Variants in TDRD3 observed in about 807,000 individuals in gnomAD.
TDRD3 encodes tudor domain-containing protein 3.
In TDRD3, 45 loss-of-function variants were observed where a neutral mutation model predicts 86.7. The observed-to-expected ratio is 0.52, with a 90% CI of 0.41 to 0.67. TDRD3 has a LOEUF of 0.67. Ranked by LOEUF, TDRD3 falls within the 30% of genes least tolerant of loss-of-function variation. The pLI, the probability that TDRD3 is intolerant of heterozygous loss-of-function variation, is 0.00. For synonymous variants in TDRD3, 298 were observed against 301.7 expected (o/e 0.99, Z 0.13); for missense variants, 814 against 889.0 (o/e 0.92, Z 1.07).
intron 1 of TDRD3, among the ~76,000 whole-genome samples, chr13:60,415,086 T>A (rs2137843078): frequency 6.6e-6 from 1 of 152,192 alleles, no homozygotes; most frequent in South Asian, 2.1e-4. Flanking sequence ...AGCATACTGA[T>A]TATTTTATAT....
chr13:60,556,668 C>T (rs1415068702), intron 12 of TDRD3, among the ~76,000 whole-genome samples: 1 of 152,048 alleles, frequency 6.6e-6, no homozygotes, highest in African/African-American at 2.4e-5. Flanking sequence ...AGAGTACCTT[C>T]ATGAGAACTA....
chr13:60,414,954 A>C (rs951160281), intron 1 of TDRD3, among the ~76,000 whole-genome samples: 21 of 152,078 alleles, frequency 1.4e-4, no homozygotes, highest in African/African-American at 5.1e-4. Flanking sequence ...AAAAGGGTGA[A>C]TATGAGGTTG....
intron 1 of TDRD3, among the ~76,000 whole-genome samples, chr13:60,428,117 A>C (rs2137901733): frequency 6.6e-6 from 1 of 151,698 alleles, no homozygotes; most frequent in East Asian, 1.9e-4. Context: ...CTCCAGCTTC[A>C]TATGGCCTTT....
Position 60,454,097 on chromosome 13 carries a change from T to G in TDRD3, c.193-6283T>G, listed in dbSNP as rs1594951674. On this transcript the variant is annotated intron_variant, in intron 3 of 13. Transcript: ENST00000377881. Reference sequence around the variant, plus strand: ...TCTAAATATTTTTCAATTAACCTTATGATTACTTCTTTCCCTATTTTGATT... The same window carrying G: ...TCTAAATATTTTTCAATTAACCTTAGGATTACTTCTTTCCCTATTTTGATT... 3.9e-5 allele frequency among the ~76,000 whole-genome samples: 6 copies of G among 152,246 alleles called. No homozygotes were observed. The South Asian group carries it at 1.2e-3, about 32-fold the overall frequency.
intron 3 of TDRD3, among the ~76,000 whole-genome samples, chr13:60,447,513 T>G (rs1321437276): frequency 6.6e-6 from 1 of 152,180 alleles, no homozygotes; most frequent in Non-Finnish European, 1.5e-5. Flanking sequence ...AGGATGGTAT[T>G]TTTATCTTGA....
chr13:60,500,834 G>A (rs913928881), intron 8 of TDRD3, among the ~76,000 whole-genome samples: 5 of 152,210 alleles, frequency 3.3e-5, no homozygotes, highest in Admixed American at 6.5e-5. Flanking sequence ...ATCAATGGGT[G>A]ACCTCAGCAG....
chr13:60,492,982 G>A (rs1205616426), intron 7 of TDRD3, among the ~76,000 whole-genome samples: 2 of 142,010 alleles, frequency 1.4e-5, no homozygotes, highest in Admixed American at 7.5e-5. Context: ...GCAGTGGCGC[G>A]ATCTCGGCTC....
chr13:60,571,484 AT>A (rs1366408918), intron 13 of TDRD3, among the ~76,000 whole-genome samples: 1 of 152,182 alleles, frequency 6.6e-6, no homozygotes, highest in Non-Finnish European at 1.5e-5. Context: ...AGGTTTTGTT[AT>A]CTGAAATTAT....
chr13:60,510,224 C>G (rs1172876785), intron 9 of TDRD3, among the ~76,000 whole-genome samples: 1 of 152,098 alleles, frequency 6.6e-6, no homozygotes, highest in African/African-American at 2.4e-5. Context: ...ATTTCTAGAA[C>G]TCTGCCACCT....
intron 1 of TDRD3, among the ~76,000 whole-genome samples, chr13:60,429,623 C>T (rs1954902684): frequency 6.6e-6 from 1 of 152,160 alleles, no homozygotes; most frequent in South Asian, 2.1e-4. Context: ...AATTGTAAAA[C>T]TGAATGATTT....
chr13:60,395,699 A>C (rs188114395), upstream of TDRD3, among the ~76,000 whole-genome samples: 6 of 152,366 alleles, frequency 3.9e-5, no homozygotes, highest in East Asian at 1.2e-3. Context: ...AATTGGTAAC[A>C]GAAAATTCTA....
At chr13:60,570,645 A>C (rs1366455409) in intron 13 of TDRD3, among the ~76,000 whole-genome samples, 1 of 152,236 alleles carries the variant, frequency 6.6e-6, no homozygotes, top group Non-Finnish European at 1.5e-5. Context: ...AAAGATTGTC[A>C]ATGCCCTCAT....
chr13:60,524,037 ATATCT>A (rs1176147887), intron 10 of TDRD3, among the ~76,000 whole-genome samples: 1 of 151,944 alleles, frequency 6.6e-6, no homozygotes, highest in African/African-American at 2.4e-5. Flanking sequence ...GTACAGAAAA[ATATCT>A]TAGTATATTT....
chr13:60,532,124 A>G (rs572048220), intron 11 of TDRD3, among the ~76,000 whole-genome samples: 2 of 152,306 alleles, frequency 1.3e-5, no homozygotes, highest in South Asian at 4.1e-4. Flanking sequence ...TGTGGTGAAA[A>G]AATTAAATTA....
Position 60,528,718 on chromosome 13 carries a change from AAAG to A in TDRD3, c.1495_1497del (p.Arg499del). The A allele has an allele frequency of 6.2e-7, 1 of 1,611,706 alleles. No homozygotes were observed. The highest frequency in any genetic ancestry group is 8.5e-7 in the Non-Finnish European group (1 of 1,179,332). ...CAGCATAGTGATGGTGCTTTTAAAA[AAAG>A]AGATAACTCTATGCAAAGCAGATCA... On this transcript the variant is annotated inframe_deletion, in exon 11 of 14. Transcript: ENST00000377881.
intron 7 of TDRD3, among the ~76,000 whole-genome samples, chr13:60,490,773 C>T (rs1005626308): frequency 6.6e-6 from 1 of 151,912 alleles, no homozygotes; most frequent in African/African-American, 2.4e-5. Context: ...TTTGAAGGAG[C>T]CATTAGGGTT....
intron 12 of TDRD3, among the ~76,000 whole-genome samples, chr13:60,551,405 T>C (rs901311381): frequency 4.6e-5 from 7 of 152,184 alleles, no homozygotes; most frequent in Admixed American, 3.9e-4. Flanking sequence ...GCTGGTTCCA[T>C]TTCTCTTGTT....
At chr13:60,516,224 T>G (rs572803351) in intron 10 of TDRD3, among the ~76,000 whole-genome samples, 1 of 152,332 alleles carries the variant, frequency 6.6e-6, no homozygotes, top group African/African-American at 2.4e-5. Flanking sequence ...CCTCTAGAAG[T>G]CAGAATTTAG....
At chr13:60,499,662 G>A (rs1243542279) in intron 8 of TDRD3, among the ~76,000 whole-genome samples, 6 of 152,210 alleles carry the variant, frequency 3.9e-5, no homozygotes, top group African/African-American at 1.2e-4. Context: ...CAGAGGATGG[G>A]AAATAAATCT....
Sources: allele counts gnomAD v4.1 joint callset (sites outside exome capture counted in the v4.1 genomes callset), GRCh38; gene constraint gnomAD v4.1.1; transcripts MANE v1.5; gene names NCBI Gene and HGNC (gene_info 2026-07-23, HGNC 2026-07-21).